Variants in DLG2 observed in about 807,000 individuals in gnomAD.
DLG2 encodes the protein discs large MAGUK scaffold protein 2.
Under a neutral mutation model 132.5 loss-of-function variants are expected in DLG2, and 45 were observed. The ratio of observed to expected loss-of-function variants is 0.34; its 90% confidence interval spans 0.27 to 0.44. DLG2 has a LOEUF of 0.44. DLG2 is among the 20% of genes least tolerant of loss of function. DLG2 has a pLI of 1.00. For missense variants in DLG2, 1,045 were observed against 1,196.9 expected (o/e 0.87, Z 1.87); for synonymous variants, 424 against 419.6 (o/e 1.01, Z -0.13).
intron 3 of DLG2, among the ~76,000 whole-genome samples, chr11:85,457,620 T>C (rs144112904): frequency 1.0e-3 from 156 of 152,350 alleles, no homozygotes; most frequent in African/African-American, 3.5e-3. Flanking sequence ...GGACCTATTG[T>C]AAAGCAGCAA....
intron 20 of DLG2, among the ~76,000 whole-genome samples, chr11:83,533,289 A>G (rs935623034): frequency 1.3e-5 from 2 of 152,114 alleles, no homozygotes; most frequent in African/African-American, 4.8e-5. Flanking sequence ...TCCTTCTGTC[A>G]TCTCTGCAGA....
chr11:83,881,230 C>G (rs1287348276), intron 15 of DLG2, among the ~76,000 whole-genome samples: 1 of 152,138 alleles, frequency 6.6e-6, no homozygotes. Flanking sequence ...TGGACTTTTA[C>G]AATTTGCTGA....
intron 12 of DLG2, among the ~76,000 whole-genome samples, chr11:83,969,863 A>G (rs35240755): frequency 0.042 from 6,457 of 152,080 alleles, 198 homozygotes; most frequent in Non-Finnish European, 0.067. Flanking sequence ...GTGAGCCACC[A>G]CACCTGGCCG....
chr11:84,352,023 T>C (rs2098577871), intron 7 of DLG2, among the ~76,000 whole-genome samples: 1 of 152,208 alleles, frequency 6.6e-6, no homozygotes, highest in African/African-American at 2.4e-5. Flanking sequence ...CTAAACCACA[T>C]GATATTTTCT....
intron 11 of DLG2, among the ~76,000 whole-genome samples, chr11:83,987,091 T>C (rs1289117251): frequency 6.6e-6 from 1 of 152,168 alleles, no homozygotes; most frequent in Non-Finnish European, 1.5e-5. Context: ...AATTTTGGCT[T>C]TTGTTGCCAT....
intron 14 of DLG2, among the ~76,000 whole-genome samples, chr11:83,954,310 T>A (rs1400761301): frequency 6.6e-6 from 1 of 152,242 alleles, no homozygotes; most frequent in African/African-American, 2.4e-5. Flanking sequence ...AGGATAGTTC[T>A]ATGAATGATT....
chr11:85,409,858 T>C (rs1360603528), intron 3 of DLG2, among the ~76,000 whole-genome samples: 1 of 151,864 alleles, frequency 6.6e-6, no homozygotes, highest in African/African-American at 2.4e-5. Context: ...AAGTAATCAA[T>C]AAATGTTGCT....
chr11:84,500,773 A>G (rs1035510619), intron 7 of DLG2, among the ~76,000 whole-genome samples: 1 of 152,156 alleles, frequency 6.6e-6, no homozygotes, highest in Non-Finnish European at 1.5e-5. Context: ...GATAATTTAA[A>G]AAGTAATGGA....
intron 9 of DLG2, among the ~76,000 whole-genome samples, chr11:84,132,897 G>A (rs144115347): frequency 1.4e-3 from 214 of 151,892 alleles, no homozygotes; most frequent in African/African-American, 4.8e-3. Context: ...GGATTTTTAC[G>A]GCATGAAAAT....
intron 19 of DLG2, among the ~76,000 whole-genome samples, chr11:83,547,413 A>G (rs2096268392): frequency 6.6e-6 from 1 of 152,106 alleles, no homozygotes; most frequent in Non-Finnish European, 1.5e-5. Context: ...ATCCGGGTGG[A>G]CACAATCTAA....
At chr11:84,468,586 G>C (rs989674955) in intron 7 of DLG2, among the ~76,000 whole-genome samples, 1 of 151,518 alleles carries the variant, frequency 6.6e-6, no homozygotes, top group Non-Finnish European at 1.5e-5. Flanking sequence ...GTTAGTGTTT[G>C]AGATGAGTGC....
At chr11:84,797,074 T>C (rs1020962294) in intron 6 of DLG2, among the ~76,000 whole-genome samples, 2 of 152,126 alleles carry the variant, frequency 1.3e-5, no homozygotes, top group South Asian at 4.1e-4. Context: ...CTAGCACTCC[T>C]GACCTCAGGT....
intron 11 of DLG2, among the ~76,000 whole-genome samples, chr11:84,019,979 T>C (rs2095342641): frequency 6.6e-6 from 1 of 152,104 alleles, no homozygotes; most frequent in Non-Finnish European, 1.5e-5. Context: ...AGAGAGGGCA[T>C]GCCAGAGGAA....
chr11:85,373,459 C>T (rs1193390234), intron 3 of DLG2, among the ~76,000 whole-genome samples: 1 of 152,162 alleles, frequency 6.6e-6, no homozygotes, highest in Non-Finnish European at 1.5e-5. Context: ...AGTCTTCATC[C>T]TTATCCTTAA....
chr11:84,157,784 A>T (rs552065708), intron 9 of DLG2, among the ~76,000 whole-genome samples: 1 of 152,344 alleles, frequency 6.6e-6, no homozygotes, highest in South Asian at 2.1e-4. Flanking sequence ...TGTGCCCTGT[A>T]CCTATGTTTA....
intron 6 of DLG2, among the ~76,000 whole-genome samples, chr11:85,039,276 G>A (rs2061652540): frequency 8.3e-6 from 1 of 119,764 alleles, no homozygotes; most frequent in Non-Finnish European, 1.8e-5. Flanking sequence ...CTACCCAAAT[G>A]TCATAATTCC....
At chr11:84,834,089 T>A (rs985253409) in intron 6 of DLG2, among the ~76,000 whole-genome samples, 1 of 151,682 alleles carries the variant, frequency 6.6e-6, no homozygotes, top group Admixed American at 6.6e-5. Flanking sequence ...CTAAAAACTA[T>A]AATTTTAGGA....
chr11:84,214,247 A>G (rs1305234746), intron 8 of DLG2, among the ~76,000 whole-genome samples: 1 of 141,920 alleles, frequency 7.0e-6, no homozygotes, highest in African/African-American at 2.9e-5. Context: ...ATGAATATAT[A>G]TATACATATA....
chr11:85,579,364 C>A (rs1008577078), intron 3 of DLG2, among the ~76,000 whole-genome samples: 1 of 151,908 alleles, frequency 6.6e-6, no homozygotes, highest in South Asian at 2.1e-4. Context: ...CAAACCTGCA[C>A]ATGTATCCTC....
Sources: allele counts gnomAD v4.1 joint callset (sites outside exome capture counted in the v4.1 genomes callset), GRCh38; gene constraint gnomAD v4.1.1; transcripts MANE v1.5; gene names NCBI Gene and HGNC (gene_info 2026-07-23, HGNC 2026-07-21).